MICU1: variants seen among roughly 807,000 people sequenced by gnomAD.
MICU1 encodes the protein mitochondrial calcium uptake 1.
A neutral mutation model predicts 56.8 loss-of-function variants in MICU1; 45 were observed. The ratio of observed to expected loss-of-function variants is 0.79; its 90% CI spans 0.62 to 1.02. The LOEUF (loss-of-function observed/expected upper bound fraction) is 1.02, where lower values mean the gene tolerates loss of function less well. Among genes scored for constraint, MICU1 ranks in the 50% least tolerant of loss-of-function variants. The probability of loss-of-function intolerance (pLI) is 0.00; values close to 1 mark genes in which losing one functional copy is unlikely to be tolerated. For synonymous variants in MICU1, 186 were observed against 195.1 expected (o/e 0.95, Z 0.39); for missense variants, 504 against 587.1 (o/e 0.86, Z 1.46).
chr10:72,404,888 C>G (rs1050088350), intron 10 of MICU1, among the ~76,000 whole-genome samples: 1 of 152,038 alleles, frequency 6.6e-6, no homozygotes, highest in Non-Finnish European at 1.5e-5. Context: ...GGAAAAATCC[C>G]TCATTTTATT....
At chr10:72,371,342 G>A (rs1254981342) in intron 11 of MICU1, among the ~76,000 whole-genome samples, 6 of 137,324 alleles carry the variant, frequency 4.4e-5, no homozygotes, top group African/African-American at 1.1e-4. Context: ...AGCCGAGATC[G>A]CACCACTGCA....
At chr10:72,482,923 T>C (rs1365348335) in intron 6 of MICU1, among the ~76,000 whole-genome samples, 1 of 151,980 alleles carries the variant, frequency 6.6e-6, no homozygotes, top group East Asian at 1.9e-4. Context: ...TGGCGTGATT[T>C]TGGCTCACTG....
At chr10:72,424,894 T>C (rs1864297804) in intron 8 of MICU1, among the ~76,000 whole-genome samples, 1 of 152,186 alleles carries the variant, frequency 6.6e-6, no homozygotes, top group Admixed American at 6.5e-5. Context: ...TCTAAAGAAA[T>C]CAACATCATC....
At chr10:72,590,768 G>A (rs952497036) in intron 1 of MICU1, among the ~76,000 whole-genome samples, 6 of 151,472 alleles carry the variant, frequency 4.0e-5, no homozygotes, top group East Asian at 3.9e-4. Context: ...AGCTGAGATC[G>A]CGCCACTGCA....
intron 8 of MICU1, among the ~76,000 whole-genome samples, chr10:72,443,511 G>A (rs1408387305): frequency 1.3e-5 from 2 of 152,118 alleles, no homozygotes; most frequent in African/African-American, 2.4e-5. Context: ...TAGGTCTAAC[G>A]TTTAAGTCTT....
chr10:72,551,464 C>T (rs1840033749), intron 3 of MICU1, 123 bp from the exon 4 acceptor site: 2 of 648,356 alleles, frequency 3.1e-6, no homozygotes, highest in Non-Finnish European at 4.5e-6. Flanking sequence ...GAAATTCTAT[C>T]ATTTTTTTCT....
chr10:72,536,287 G>A (rs1378089270), intron 4 of MICU1, among the ~76,000 whole-genome samples: 3 of 151,538 alleles, frequency 2.0e-5, no homozygotes, highest in Non-Finnish European at 4.4e-5. Context: ...TATCAAAACA[G>A]CACTATGTAC....
intron 8 of MICU1, among the ~76,000 whole-genome samples, chr10:72,464,067 G>C (rs769663220): frequency 6.6e-6 from 1 of 152,074 alleles, no homozygotes. Flanking sequence ...AGGCTGGGGC[G>C]AGTGGATCAC....
At chr10:72,484,348 T>C (rs1357529781) in intron 6 of MICU1, among the ~76,000 whole-genome samples, 5 of 151,726 alleles carry the variant, frequency 3.3e-5, no homozygotes, top group Non-Finnish European at 7.4e-5. Flanking sequence ...TCTTCTTAGC[T>C]CTGCTCCTTT....
chr10:72,453,039 T>C (rs140586687), intron 8 of MICU1, among the ~76,000 whole-genome samples: 80 of 152,304 alleles, frequency 5.3e-4, no homozygotes, highest in African/African-American at 1.9e-3. Flanking sequence ...AGGAGGCTCC[T>C]GGGCCCAGTT....
At chr10:72,464,033 T>C (rs983869891) in intron 8 of MICU1, among the ~76,000 whole-genome samples, 4 of 152,212 alleles carry the variant, frequency 2.6e-5, no homozygotes, top group Non-Finnish European at 4.4e-5. Flanking sequence ...CAGTGGCTTA[T>C]GCCTGTTATC....
At chr10:72,559,899 T>C (rs892495292) in intron 3 of MICU1, among the ~76,000 whole-genome samples, 2 of 152,164 alleles carry the variant, frequency 1.3e-5, no homozygotes, top group African/African-American at 4.8e-5. Context: ...CATAGGAGCA[T>C]GAACCCGATT....
chr10:72,511,738 C>T (rs1404270465), intron 5 of MICU1, among the ~76,000 whole-genome samples: 1 of 152,166 alleles, frequency 6.6e-6, no homozygotes, highest in African/African-American at 2.4e-5. Flanking sequence ...GAAGTTTCAA[C>T]GTTTTAACAT....
chr10:72,556,747 T>C (rs1173150491), intron 3 of MICU1, among the ~76,000 whole-genome samples: 1 of 152,126 alleles, frequency 6.6e-6, no homozygotes. Context: ...CTGTAAAAAT[T>C]TCTTCTCCAA....
intron 10 of MICU1, among the ~76,000 whole-genome samples, chr10:72,388,897 C>A (rs1351525686): frequency 6.6e-6 from 1 of 152,226 alleles, no homozygotes; most frequent in Non-Finnish European, 1.5e-5. Flanking sequence ...TGAATCCTGG[C>A]TTTTCCACCA....
intron 3 of MICU1, among the ~76,000 whole-genome samples, chr10:72,557,860 G>A (rs1388341314): frequency 6.6e-6 from 1 of 152,178 alleles, no homozygotes; most frequent in Non-Finnish European, 1.5e-5. Flanking sequence ...AGTAAACTGA[G>A]TCGAGTGTCC....
At chr10:72,544,114 C>T (rs962686376) in intron 4 of MICU1, among the ~76,000 whole-genome samples, 1 of 150,686 alleles carries the variant, frequency 6.6e-6, no homozygotes, top group South Asian at 2.1e-4. Flanking sequence ...AAATCCCTGT[C>T]CTGTTCTGTT....
Position 72,371,858 on chromosome 10 carries a change from C to T in MICU1, c.1271-3503G>A, listed in dbSNP as rs114970244. ...ATCATTTGAGCCCAGGAGTTCAAGA[C>T]CAGCATGAGCAATATAGTGAGACCC... On this transcript the variant is annotated intron_variant, in intron 11 of 11. Transcript: ENST00000361114. Among the ~76,000 whole-genome samples, 492 of 151,942 alleles carry T rather than the reference C, an allele frequency of 3.2e-3. 4 individuals carry two copies. Among genetic ancestry groups the T allele is most frequent in the African/African-American group, 0.011 (464 of 41,422 alleles).
At chr10:72,566,238 T>A (rs1337660457) in intron 2 of MICU1, among the ~76,000 whole-genome samples, 1 of 151,716 alleles carries the variant, frequency 6.6e-6, no homozygotes, top group Non-Finnish European at 1.5e-5. Context: ...TAGAGATGGG[T>A]TTTTGCCATG....
Sources: gnomAD v4.1 joint callset for allele counts (sites outside exome capture counted in the v4.1 genomes callset) on GRCh38, gnomAD v4.1.1 for gene constraint, MANE v1.5 for transcripts, NCBI Gene and HGNC (gene_info 2026-07-23, HGNC 2026-07-21) for gene names.